Variants in OTUD4 observed in about 807,000 individuals in gnomAD.
OTUD4 encodes the protein OTU domain-containing protein 4.
Under a neutral mutation model 130.4 loss-of-function variants are expected in OTUD4, and 24 were observed. The observed-to-expected ratio is 0.18, with a 90% CI of 0.13 to 0.26. The LOEUF is 0.26. Among genes scored for constraint, OTUD4 ranks in the 10% least tolerant of loss-of-function variants. The pLI is 1.00. For missense variants in OTUD4, 1,031 were observed against 1,329.4 expected (o/e 0.78, Z 3.49); for synonymous variants, 420 against 472.5 (o/e 0.89, Z 1.44).
chr4:145,179,231 G>A (rs769410941), intron 1 of OTUD4, among the ~76,000 whole-genome samples: 2 of 152,138 alleles, frequency 1.3e-5, no homozygotes, highest in African/African-American at 4.8e-5. Flanking sequence ...GCATAATAAA[G>A]GGTGGAACCT....
At chr4:145,138,687 GA>G (rs1560975862) in intron 20 of OTUD4, 37 bp from the exon 21 acceptor site, 1 of 1,547,208 alleles carries the variant, frequency 6.5e-7, no homozygotes, top group African/African-American at 1.4e-5. Context: ...AACAAAAGAG[GA>G]GAAAAAAGAG....
At chr4:145,167,594 C>T (rs1361711799) in intron 3 of OTUD4, among the ~76,000 whole-genome samples, 2 of 152,152 alleles carry the variant, frequency 1.3e-5, no homozygotes, top group African/African-American at 2.4e-5. Flanking sequence ...CGGTGGCTCA[C>T]GCCTGTAATC....
intron 20 of OTUD4, 102 bp from the exon 21 acceptor site, chr4:145,138,752 G>T: frequency 1.1e-6 from 1 of 952,120 alleles, no homozygotes; most frequent in Non-Finnish European, 1.6e-6. Flanking sequence ...AGTTTCTCAT[G>T]CCTACAAAGA....
intron 17 of OTUD4, among the ~76,000 whole-genome samples, chr4:145,143,153 T>C (rs1206037711): frequency 6.6e-6 from 1 of 152,052 alleles, no homozygotes; most frequent in Non-Finnish European, 1.5e-5. Flanking sequence ...CACCAGAAAA[T>C]GGTGGTTATT....
At chr4:145,153,273 G>C (rs554500526) in intron 10 of OTUD4, among the ~76,000 whole-genome samples, 91 of 152,310 alleles carry the variant, frequency 6.0e-4, no homozygotes, top group African/African-American at 2.1e-3. Context: ...ACAGGCAGCA[G>C]GTCCTGGTTC....
In OTUD4 at chr4:145,155,622, T is replaced by C. The variant is rs1199895594; in HGVS notation, c.755A>G (p.Asn252Ser). Residue 252 changes from asparagine (N) to serine (S), a missense_variant, in exon 9 of 21, where the codon AAT (asparagine) becomes AGT (serine). Physicochemically the swap from Asn to Ser is conservative, Grantham distance 46 (BLOSUM62 1). Transcript: ENST00000447906. Reference sequence around the variant, plus strand: ...TTCCACATTTCTATAGACTGCAGGATTGAGTGACTTAAGAACCTTTCTAGA... The same window carrying C: ...TTCCACATTTCTATAGACTGCAGGACTGAGTGACTTAAGAACCTTTCTAGA... Reference protein sequence around the residue: ...PLSRKVLKSLNPAVYRNVEYE... With the variant: ...PLSRKVLKSLSPAVYRNVEYE... 5 of 1,613,260 alleles carry C rather than the reference T, an allele frequency of 3.1e-6. No homozygotes were observed. Among genetic ancestry groups the C allele is most frequent in the Admixed American group, 1.7e-5 (1 of 59,934 alleles).
chr4:145,134,984 T>C lies in OTUD4; in HGVS notation c.*2446A>G, dbSNP rs929932619. ...AAAGAAATATGTCAACATAACAGTA[T>C]GACATAACAGTTAAAATGAAGGACA... On this transcript the variant is annotated 3_prime_UTR_variant, in exon 21 of 21. Transcript: ENST00000447906. The C allele has an allele frequency of 2.5e-6, 1 of 397,490 alleles. No individual in the cohort carries two copies. Among genetic ancestry groups the C allele is most frequent in the Admixed American group, 4.4e-5 (1 of 22,714 alleles). 24.6% of individuals were successfully genotyped at this position (397,490 alleles called of 1,614,324 possible). A position where few individuals can be genotyped will look rare whatever the true frequency, so the allele number is the denominator to read the frequency against.
At chr4:145,147,789 T>C (rs1349103826) in intron 13 of OTUD4, among the ~76,000 whole-genome samples, 1 of 152,198 alleles carries the variant, frequency 6.6e-6, no homozygotes, top group Non-Finnish European at 1.5e-5. Context: ...TTTTGCTCTA[T>C]AACTAGAAGA....
rs1185024781 is a variant in OTUD4 at position 145,179,912 on chromosome 4, T to C, written c.62A>G (p.Asp21Gly). 3.2e-5 allele frequency: 49 copies of C among 1,522,978 alleles called. No homozygotes were observed. Among genetic ancestry groups the C allele is most frequent in the Middle Eastern group, 2.2e-4 (1 of 4,532 alleles). 94.3% of individuals were successfully genotyped at this position (1,522,978 alleles called of 1,614,324 possible). A position where few individuals can be genotyped will look rare whatever the true frequency, so the allele number is the denominator to read the frequency against. The change falls in exon 1 of 21, where the codon GAC (aspartate) becomes GGC (glycine). Residue 21 changes from aspartate to glycine, a missense_variant. Asp to Gly is a moderately conservative substitution (Grantham distance 94). Around this residue, in one of 3 missense-constraint regions of OTUD4, gnomAD observed 54 missense variants for 60.6 expected, o/e 0.89. Coordinates refer to ENST00000447906, the MANE Select transcript of OTUD4 (RefSeq NM_001366057.1). Reference sequence around the variant, plus strand: ...CAGATAGGCGTCCATGGGCGTCGCGTCCTCGCGGGGCCCCGCGCCGCCCTG... The same window carrying C: ...CAGATAGGCGTCCATGGGCGTCGCGCCCTCGCGGGGCCCCGCGCCGCCCTG... Reference protein sequence around the residue: ...GDQGGAGPREDATPMDAYLRK... With the variant: ...GDQGGAGPREGATPMDAYLRK...
chr4:145,137,406 T>C lies in OTUD4; in HGVS notation c.*24A>G. The C allele has an allele frequency of 1.9e-6, 3 of 1,564,530 alleles. No homozygotes were observed. Among genetic ancestry groups the C allele is most frequent in the East Asian group, 2.3e-5 (1 of 44,296 alleles). ...AAACATTCCACCTAAGAGTTTCTGT[T>C]AGAAAATACTTCGGCAACAACCATC... On this transcript the variant is annotated 3_prime_UTR_variant, in exon 21 of 21. Coordinates refer to ENST00000447906, the MANE Select transcript of OTUD4 (RefSeq NM_001366057.1).
chr4:145,150,532 T>C lies in OTUD4; in HGVS notation c.1240A>G (p.Thr414Ala), dbSNP rs762847543. 4.4e-6 allele frequency: 7 copies of C among 1,607,656 alleles called. No homozygotes were observed. Among genetic ancestry groups the C allele is most frequent in the Non-Finnish European group, 6.0e-6 (7 of 1,174,514 alleles). The change falls in exon 13 of 21, where the codon ACA becomes GCA. Residue 414 changes from threonine to alanine, a missense_variant. Coordinates refer to ENST00000447906, the MANE Select transcript of OTUD4 (RefSeq NM_001366057.1). The part of the protein sequence containing the change: ...FSSEHKNLSR[T>A]PSQIIRKPDR... Reference sequence around the variant, plus strand: ...GGTTACCTTATGATCTGTGAAGGTGTCCGGCTAAGATTTTTGTGCTCACTG... The same window carrying C: ...GGTTACCTTATGATCTGTGAAGGTGCCCGGCTAAGATTTTTGTGCTCACTG...
intron 6 of OTUD4, among the ~76,000 whole-genome samples, chr4:145,162,307 A>T (rs1751613593): frequency 6.6e-6 from 1 of 152,138 alleles, no homozygotes; most frequent in East Asian, 1.9e-4. Flanking sequence ...TAATCCCAGC[A>T]CTTTGGGAGG....
chr4:145,155,693 A>G lies in OTUD4; in HGVS notation c.691-7T>C. On this transcript the variant is annotated splice_polypyrimidine_tract_variant and splice_region_variant and intron_variant, in intron 8 of 20. Transcript: ENST00000447906. Reference sequence around the variant, plus strand: ...TCCCATTGTTCTTCAGCTGCTAAACAAAGTCAGGAAGTCCAATCAACACAT... The same window carrying G: ...TCCCATTGTTCTTCAGCTGCTAAACGAAGTCAGGAAGTCCAATCAACACAT... 1 of 1,556,768 alleles carries G rather than the reference A, an allele frequency of 6.4e-7. No homozygotes were observed. The highest frequency in any genetic ancestry group is 1.7e-4 in the Middle Eastern group (1 of 5,914).
Position 145,180,140 on chromosome 4 carries a change from G to C in OTUD4, c.-167C>G. The C allele has an allele frequency of 3.5e-6, 1 of 286,104 alleles. No homozygotes were observed. Among genetic ancestry groups the C allele is most frequent in the Non-Finnish European group, 5.5e-6 (1 of 182,048 alleles). The allele number at this position is 286,104 out of a possible 1,614,324, so 17.7% of individuals were successfully genotyped here. ...CCCGAGGCAGCGGTCCGCGCTCTCCGGGCGCATAGGGAAGCCCTGCCTAAT... is the reference window on the plus strand; with the variant it reads ...CCCGAGGCAGCGGTCCGCGCTCTCCCGGCGCATAGGGAAGCCCTGCCTAAT... On this transcript the variant is annotated 5_prime_UTR_variant, in exon 1 of 21. Coordinates refer to ENST00000447906, the MANE Select transcript of OTUD4 (RefSeq NM_001366057.1).
chr4:145,172,519 GTTTC>G (rs1452683116), intron 2 of OTUD4, among the ~76,000 whole-genome samples: 4 of 152,210 alleles, frequency 2.6e-5, no homozygotes, highest in African/African-American at 7.2e-5. Context: ...CCTTTTTTAT[GTTTC>G]TTTAATAGCA....
At position 145,137,930 on chromosome 4, in the gene OTUD4, C is replaced by T; in HGVS notation, c.2845G>A (p.Ala949Thr). 6.2e-7 allele frequency: 1 copy of T among 1,614,166 alleles called. No homozygotes were observed. Among genetic ancestry groups the T allele is most frequent in the Non-Finnish European group, 8.5e-7 (1 of 1,180,054 alleles). Residue 949 changes from alanine to threonine, a missense_variant, in exon 21 of 21, where the codon GCA (alanine) becomes ACA (threonine). This residue lies in a region of OTUD4 where 900 missense variants were observed against 1,095.9 expected (regional missense o/e 0.82). Transcript: ENST00000447906. ...QSSQTRKADT[A>T]LASIPPVAEG... Reference sequence around the variant, plus strand: ...GCTACAGGAGGGATGGAAGCCAATGCCGTATCTGCCTTTCGTGTCTGGGAA... The same window carrying T: ...GCTACAGGAGGGATGGAAGCCAATGTCGTATCTGCCTTTCGTGTCTGGGAA...
In OTUD4 at chr4:145,146,368, C is replaced by T. The variant is rs746588119; in HGVS notation, c.1321G>A (p.Gly441Ser). ...TCTCTGCGCTCTTCTGGGGAAAGGC[C>T]GAAATAGTTAGATTCTCGACTTGTG... ...DHTSRESNYF[G>S]LSPEERREKQ... Residue 441 changes from glycine (G) to serine (S), a missense_variant, in exon 14 of 21, where the codon GGC (glycine) becomes AGC (serine). This residue lies in a region of OTUD4 where 900 missense variants were observed against 1,095.9 expected (regional missense o/e 0.82). Transcript: ENST00000447906. 6 of 1,591,148 alleles carry T rather than the reference C, an allele frequency of 3.8e-6. No individual in the cohort carries two copies. Among genetic ancestry groups the T allele is most frequent in the Non-Finnish European group, 4.3e-6 (5 of 1,171,200 alleles).
intron 1 of OTUD4, 60 bp from the exon 2 acceptor site, chr4:145,174,804 GTCT>G (rs1752342709): frequency 1.1e-6 from 1 of 892,212 alleles, no homozygotes; most frequent in Non-Finnish European, 1.9e-6. Flanking sequence ...ACAACCTAAT[GTCT>G]TCTTTTACAC....
chr4:145,148,012 T>C (rs76291537), intron 13 of OTUD4, among the ~76,000 whole-genome samples: 221 of 152,318 alleles, frequency 1.5e-3, no homozygotes, highest in African/African-American at 5.1e-3. Flanking sequence ...AATGACAAAC[T>C]GCAAATACCA....
Sources: allele counts gnomAD v4.1 joint callset (sites outside exome capture counted in the v4.1 genomes callset), GRCh38; gene constraint gnomAD v4.1.1; regional missense constraint gnomAD v4.1.1; transcripts MANE v1.5; gene names NCBI Gene and HGNC (gene_info 2026-07-23, HGNC 2026-07-21).